The following YTHDF2 variants were observed in gnomAD, a reference collection of about 807,000 sequenced individuals.
YTHDF2 encodes the protein YTH domain-containing family protein 2.
YTHDF2 carries 2 observed loss-of-function variants against 50.4 expected under a neutral mutation model. The observed-to-expected ratio is 0.04, with a 90% CI of 0.02 to 0.12. YTHDF2 has a LOEUF of 0.12. YTHDF2 is among the 10% of genes least tolerant of loss of function. YTHDF2 has a pLI of 1.00. For missense variants in YTHDF2, 483 were observed against 722.6 expected (o/e 0.67, Z 3.80); for synonymous variants, 217 against 255.6 (o/e 0.85, Z 1.44).
rs549896439 is a variant in YTHDF2 at position 28,739,724 on chromosome 1, AGATCAATAACGTTG to A, written c.132+1389_132+1402del. ...TTAAAATACTGTTTAGCACAAATGA[AGATCAATAACGTTG>A]GAGGTTTTTGTGGCATAGTCTTTTA... On this transcript the variant is annotated intron_variant, in intron 3 of 4. Coordinates refer to ENST00000373812, the MANE Select transcript of YTHDF2 (RefSeq NM_016258.3). 2.7e-4 allele frequency among the ~76,000 whole-genome samples: 41 copies of A among 152,342 alleles called. 1 individual carries two copies. In the South Asian group the frequency reaches 5.8e-3, roughly 22 times the overall value.
chr1:28,743,104 G>C lies in YTHDF2; in HGVS notation c.834G>C (p.Trp278Cys). 2 of 1,614,158 alleles carry C rather than the reference G, an allele frequency of 1.2e-6. No individual in the cohort carries two copies. Among genetic ancestry groups the C allele is most frequent in the Non-Finnish European group, 1.7e-6 (2 of 1,180,024 alleles). ...AGCATAACATGGATATTGGAACTTG[G>C]GATAACAAGGGTCCCGTTGCAAAAG... ...PIKHNMDIGT[W>C]DNKGPVAKAP... Residue 278 changes from tryptophan (W) to cysteine (C), a missense_variant, in exon 4 of 5, where the codon TGG becomes TGC. Coordinates refer to ENST00000373812, the MANE Select transcript of YTHDF2 (RefSeq NM_016258.3). The surrounding 1 kb of genome is among the most constrained non-coding windows in gnomAD (Gnocchi z 6.9).
At chr1:28,740,573 T>G (rs1245395696) in intron 3 of YTHDF2, among the ~76,000 whole-genome samples, 2 of 152,212 alleles carry the variant, frequency 1.3e-5, no homozygotes, top group Non-Finnish European at 2.9e-5. Context: ...AAGTTTAATC[T>G]GTTGATTATA....
chr1:28,768,500 G>A (rs1425955078), intron 4 of YTHDF2, among the ~76,000 whole-genome samples: 1 of 151,966 alleles, frequency 6.6e-6, no homozygotes, highest in African/African-American at 2.4e-5. Flanking sequence ...AGGAAATTGA[G>A]GACTTATGAG....
chr1:28,743,659 C>A lies in YTHDF2; in HGVS notation c.1389C>A (p.Gly463=). 6.2e-7 allele frequency: 1 copy of A among 1,614,202 alleles called. No homozygotes were observed. Among genetic ancestry groups the A allele is most frequent in the Non-Finnish European group, 8.5e-7 (1 of 1,180,042 alleles). The change falls in exon 4 of 5, where the codon GGC becomes GGA. Residue 463 remains glycine (G), a synonymous_variant. Transcript: ENST00000373812. The surrounding 1 kb of genome is among the most constrained non-coding windows in gnomAD (Gnocchi z 6.9). ...TTTACTTACTTTTCAGTGTCAACGG[C>A]AGTGGACACTTCTGTGGCGTGGCAG... ...GPVYLLFSVN[G]SGHFCGVAEM...
At chr1:28,737,832 G>A (rs1203532783) in intron 2 of YTHDF2, 150 bp downstream of exon 2, 1 of 881,412 alleles carries the variant, frequency 1.1e-6, no homozygotes, top group East Asian at 2.7e-5. Context: ...CCCTTTCGGT[G>A]TGTTCTTGCA....
intron 4 of YTHDF2, among the ~76,000 whole-genome samples, chr1:28,745,725 C>CCG (rs2087847962): frequency 3.4e-5 from 1 of 29,510 alleles, no homozygotes; most frequent in Non-Finnish European, 6.8e-5. Context: ...TCTCCCCCCG[C>CCG]CCCCCCCCCC....
chr1:28,751,008 G>A (rs2087943396), intron 4 of YTHDF2, among the ~76,000 whole-genome samples: 1 of 148,418 alleles, frequency 6.7e-6, no homozygotes, highest in Non-Finnish European at 1.5e-5. Flanking sequence ...TATAAGAATC[G>A]CTTGAACTTG....
intron 4 of YTHDF2, among the ~76,000 whole-genome samples, chr1:28,752,267 A>T (rs1342672829): frequency 1.3e-5 from 2 of 151,372 alleles, no homozygotes; most frequent in East Asian, 3.8e-4. Context: ...CTGATAACAC[A>T]TTGGTAATCT....
At chr1:28,745,561 A>G (rs796996137) in intron 4 of YTHDF2, among the ~76,000 whole-genome samples, 14 of 152,086 alleles carry the variant, frequency 9.2e-5, no homozygotes, top group African/African-American at 2.9e-4. Context: ...CCCCGTTTCT[A>G]TTAAAAGTAC....
chr1:28,744,228 A>G (rs376263619), intron 4 of YTHDF2, among the ~76,000 whole-genome samples: 1 of 152,224 alleles, frequency 6.6e-6, no homozygotes. Flanking sequence ...GTACAAGGAA[A>G]TCAGACAGAA....
chr1:28,738,531 G>A (rs1186460878), intron 3 of YTHDF2, among the ~76,000 whole-genome samples, 193 bp downstream of exon 3: 1 of 152,054 alleles, frequency 6.6e-6, no homozygotes, highest in Non-Finnish European at 1.5e-5. Flanking sequence ...TCCAACTTCC[G>A]CCTCTCGGGT....
At chr1:28,755,136 AAAG>A (rs1031628340) in intron 4 of YTHDF2, among the ~76,000 whole-genome samples, 5 of 152,130 alleles carry the variant, frequency 3.3e-5, no homozygotes, top group African/African-American at 1.2e-4. Context: ...TTCAAAAATT[AAAG>A]ATGATGAGAG....
chr1:28,765,739 C>T (rs113716085), intron 4 of YTHDF2, among the ~76,000 whole-genome samples: 2,077 of 152,192 alleles, frequency 0.014, 43 homozygotes, highest in African/African-American at 0.047. Context: ...ATGTGAGCTA[C>T]CATGCTGGGC....
At chr1:28,761,131 ATT>A (rs56876999) in intron 4 of YTHDF2, among the ~76,000 whole-genome samples, 94 of 91,406 alleles carry the variant, frequency 1.0e-3, no homozygotes, top group African/African-American at 3.8e-3. Flanking sequence ...GTGTGTGTGT[ATT>A]TTTTTTTTTT....
In YTHDF2 at chr1:28,742,914, C is replaced by G. The variant is rs775099237; in HGVS notation, c.644C>G (p.Ser215Cys). 8 of 1,614,160 alleles carry G rather than the reference C, an allele frequency of 5.0e-6. No individual in the cohort carries two copies. The highest frequency in any genetic ancestry group is 5.9e-6 in the Non-Finnish European group (7 of 1,180,034). Residue 215 changes from serine (S) to cysteine (C), a missense_variant, in exon 4 of 5, where the codon TCC (serine) becomes TGC (cysteine). Transcript: ENST00000373812. The part of the protein sequence containing the change: ...KVVGSAVGSG[S>C]ITSNIVASNS... ...GTAGGTTCTGCTGTTGGTAGCGGGT[C>G]CATTACTAGTAACATCGTGGCTTCC...
intron 4 of YTHDF2, among the ~76,000 whole-genome samples, chr1:28,756,247 T>C (rs1282112441): frequency 6.6e-6 from 1 of 152,188 alleles, no homozygotes; most frequent in Non-Finnish European, 1.5e-5. Context: ...ATATGAAGAA[T>C]GGCAGCATTT....
At chr1:28,739,090 TG>T (rs1019669896) in intron 3 of YTHDF2, 1 of 152,172 alleles carries the variant, frequency 6.6e-6, no homozygotes, top group African/African-American at 2.4e-5. Flanking sequence ...TAAAATCACC[TG>T]AAGGCGGGAA....
chr1:28,756,886 G>A (rs2088043036), intron 4 of YTHDF2, among the ~76,000 whole-genome samples: 1 of 152,156 alleles, frequency 6.6e-6, no homozygotes, highest in Admixed American at 6.5e-5. Flanking sequence ...AAAAAGCTCT[G>A]TTCTTTGAAT....
Position 28,751,802 on chromosome 1 carries a change from T to C in YTHDF2, c.1716+7816T>C, listed in dbSNP as rs958211464. Among the ~76,000 whole-genome samples, 7 of 152,176 alleles carry C rather than the reference T, an allele frequency of 4.6e-5. 1 individual carries two copies. Among genetic ancestry groups the C allele is most frequent in the South Asian group, 4.1e-4 (2 of 4,828 alleles). On this transcript the variant is annotated intron_variant, in intron 4 of 4. Transcript: ENST00000373812. ...ATAAAATATGGGATAAGAGCTGTAA[T>C]AGAGGAATGAATACATTTTTGGCAT...
Sources: allele counts gnomAD v4.1 joint callset (sites outside exome capture counted in the v4.1 genomes callset), GRCh38; gene constraint gnomAD v4.1.1; non-coding constraint Gnocchi (gnomAD v3.1); transcripts MANE v1.5; gene names NCBI Gene and HGNC (gene_info 2026-07-23, HGNC 2026-07-21).